The following ELAPOR2 variants were observed in gnomAD, a reference collection of about 807,000 sequenced individuals.
ELAPOR2 encodes endosome-lysosome associated apoptosis and autophagy regulator family member 2, also known as endosome/lysosome-associated apoptosis and autophagy regulator family member 2.
ELAPOR2 carries 89 observed loss-of-function variants against 120.7 expected under a neutral mutation model. The ratio of observed to expected loss-of-function variants is 0.74; its 90% CI spans 0.62 to 0.88. ELAPOR2 has a LOEUF of 0.88. Among genes scored for constraint, ELAPOR2 ranks in the 40% least tolerant of loss-of-function variants. The pLI is 0.00. For synonymous variants in ELAPOR2, 444 were observed against 444.9 expected (o/e 1.00, Z 0.03); for missense variants, 1,134 against 1,251.6 (o/e 0.91, Z 1.42).
chr7:87,048,441 T>C (rs959717300), intron 1 of ELAPOR2, among the ~76,000 whole-genome samples: 4 of 152,040 alleles, frequency 2.6e-5, no homozygotes, highest in African/African-American at 4.8e-5. Context: ...AGTGAACTCA[T>C]AGACAGAGAG....
At chr7:87,011,039 G>C (rs890425392) in intron 1 of ELAPOR2, among the ~76,000 whole-genome samples, 2 of 151,970 alleles carry the variant, frequency 1.3e-5, no homozygotes. Context: ...AGGCCAAGGC[G>C]GGCGGGTCAT....
At chr7:87,008,584 A>C (rs1378066746) in intron 1 of ELAPOR2, among the ~76,000 whole-genome samples, 3 of 152,224 alleles carry the variant, frequency 2.0e-5, no homozygotes, top group African/African-American at 4.8e-5. Context: ...ATTTAGAGAC[A>C]AGGTTTCACC....
chr7:87,024,177 T>G (rs1246471942), intron 1 of ELAPOR2, among the ~76,000 whole-genome samples: 2 of 152,176 alleles, frequency 1.3e-5, no homozygotes, highest in Non-Finnish European at 2.9e-5. Context: ...TTTTGCCCAT[T>G]CAGTATGATA....
intron 2 of ELAPOR2, among the ~76,000 whole-genome samples, chr7:86,951,148 A>G (rs1319394371): frequency 6.6e-6 from 1 of 152,178 alleles, no homozygotes; most frequent in Non-Finnish European, 1.5e-5. Context: ...TTTTGTAAAT[A>G]AAGTTTTATT....
At chr7:86,916,636 G>A (rs1438827276) in intron 12 of ELAPOR2, among the ~76,000 whole-genome samples, 1 of 152,150 alleles carries the variant, frequency 6.6e-6, no homozygotes, top group East Asian at 1.9e-4. Flanking sequence ...TGTGACCACA[G>A]AGTTTCTTAT....
At chr7:87,041,025 G>T (rs1418367821) in intron 1 of ELAPOR2, among the ~76,000 whole-genome samples, 1 of 152,086 alleles carries the variant, frequency 6.6e-6, no homozygotes, top group African/African-American at 2.4e-5. Flanking sequence ...GATGGAAGAT[G>T]AAATGAATGA....
intron 21 of ELAPOR2, among the ~76,000 whole-genome samples, chr7:86,888,302 G>A (rs910897337): frequency 6.6e-6 from 1 of 152,110 alleles, no homozygotes; most frequent in African/African-American, 2.4e-5. Context: ...TATAGTTACT[G>A]AAATGAGACA....
intron 1 of ELAPOR2, among the ~76,000 whole-genome samples, chr7:87,040,242 G>A (rs899767854): frequency 8.5e-5 from 13 of 152,264 alleles, no homozygotes; most frequent in African/African-American, 3.1e-4. Flanking sequence ...AAAGCAGCCG[G>A]AAAGCTCGAA....
chr7:86,966,839 C>T (rs1466375308), intron 1 of ELAPOR2, among the ~76,000 whole-genome samples: 1 of 152,118 alleles, frequency 6.6e-6, no homozygotes, highest in Non-Finnish European at 1.5e-5. Context: ...GCGGCTGCCA[C>T]CATTTATTGC....
At chr7:87,039,767 C>A (rs1005638639) in intron 1 of ELAPOR2, among the ~76,000 whole-genome samples, 3 of 152,090 alleles carry the variant, frequency 2.0e-5, no homozygotes, top group African/African-American at 7.2e-5. Context: ...GAGGGAGGAG[C>A]CAAGATGGCC....
intron 1 of ELAPOR2, among the ~76,000 whole-genome samples, chr7:87,057,168 T>C (rs548526326): frequency 6.6e-6 from 1 of 152,234 alleles, no homozygotes; most frequent in African/African-American, 2.4e-5. Context: ...ATCCCATAAC[T>C]GTATTCAGAG....
chr7:86,944,968 G>A lies in ELAPOR2; in HGVS notation c.585C>T (p.His195=). The A allele has an allele frequency of 6.4e-7, 1 of 1,550,520 alleles. No homozygotes were observed. Among genetic ancestry groups the A allele is most frequent in the African/African-American group, 1.4e-5 (1 of 73,090 alleles). Residue 195 remains histidine (H), a synonymous_variant, in exon 4 of 22, where the codon CAC becomes CAT. Transcript: ENST00000450689. ...DCTVSLIYAV[H]LKKSGYVFFE... ...AGAAGACATAGCCTGACTTCTTAAG[G>A]TGCACAGCATAGATCAAAGACACCG...
At chr7:87,037,400 A>T (rs1794621360) in intron 1 of ELAPOR2, among the ~76,000 whole-genome samples, 1 of 151,936 alleles carries the variant, frequency 6.6e-6, no homozygotes, top group African/African-American at 2.4e-5. Context: ...TATCTCAATA[A>T]AAGACAGCAG....
chr7:86,905,170 A>C (rs558156495), intron 18 of ELAPOR2, among the ~76,000 whole-genome samples: 3 of 149,790 alleles, frequency 2.0e-5, no homozygotes, highest in African/African-American at 7.4e-5. Flanking sequence ...GAGAGAAAGA[A>C]AGAAAGAGAG....
intron 1 of ELAPOR2, among the ~76,000 whole-genome samples, chr7:87,035,497 A>T (rs1794559218): frequency 6.6e-6 from 1 of 152,186 alleles, no homozygotes; most frequent in Admixed American, 6.5e-5. Context: ...GGCCCCCTCA[A>T]GTCTACTCTA....
chr7:87,022,011 T>C (rs901772642), intron 1 of ELAPOR2, among the ~76,000 whole-genome samples: 17 of 152,288 alleles, frequency 1.1e-4, no homozygotes, highest in Middle Eastern at 3.4e-3. Context: ...CATTTTCAAA[T>C]GAGTAAATAA....
intron 21 of ELAPOR2, among the ~76,000 whole-genome samples, chr7:86,889,611 A>G (rs1166363933): frequency 6.6e-6 from 1 of 152,054 alleles, no homozygotes; most frequent in Non-Finnish European, 1.5e-5. Flanking sequence ...TCGTCACACT[A>G]TTCAGAGGAG....
intron 18 of ELAPOR2, among the ~76,000 whole-genome samples, chr7:86,898,596 T>C (rs1161080207): frequency 1.4e-5 from 2 of 147,784 alleles, no homozygotes; most frequent in Non-Finnish European, 3.0e-5. Context: ...TGGAAATGCT[T>C]CTTGGTAGAA....
intron 3 of ELAPOR2, among the ~76,000 whole-genome samples, chr7:86,946,159 T>TCACACACACACACACACACACACA (rs3223108): frequency 1.4e-5 from 2 of 146,288 alleles, no homozygotes; most frequent in African/African-American, 5.0e-5. Context: ...ATACCATTTC[T>TCACACACACACACACACACACACA]CACACACACA....
Sources: gnomAD v4.1 joint callset for allele counts (sites outside exome capture counted in the v4.1 genomes callset) on GRCh38, gnomAD v4.1.1 for gene constraint, MANE v1.5 for transcripts, NCBI Gene and HGNC (gene_info 2026-07-23, HGNC 2026-07-21) for gene names.